Variants in SPECC1 observed in about 807,000 individuals in gnomAD.
The protein encoded by SPECC1 is sperm antigen with calponin homology and coiled-coil domains 1, also known as cytospin-B.
In SPECC1, 62 loss-of-function variants were observed where a neutral mutation model predicts 104.1. The ratio of observed to expected loss-of-function variants is 0.60; its 90% CI spans 0.49 to 0.74. The LOEUF (loss-of-function observed/expected upper bound fraction) is 0.74. Among genes scored for constraint, SPECC1 ranks in the 30% least tolerant of loss-of-function variants. The pLI, the probability that SPECC1 is intolerant of heterozygous loss-of-function variation, is 0.00. For synonymous variants in SPECC1, 513 were observed against 501.6 expected, an observed-to-expected ratio of 1.02 and a Z score of -0.30; for missense variants, 1,306 against 1,310.5, an observed-to-expected ratio of 1.00 and a Z score of 0.05.
At chr17:20,297,597 T>C (rs1053235449) in intron 13 of SPECC1, among the ~76,000 whole-genome samples, 3 of 152,146 alleles carry the variant, frequency 2.0e-5, no homozygotes, top group Non-Finnish European at 4.4e-5. Flanking sequence ...ACTCAGTGGG[T>C]CAGGTGGTCC....
intron 2 of SPECC1, among the ~76,000 whole-genome samples, chr17:20,097,744 T>C (rs976933407): frequency 1.2e-4 from 19 of 152,188 alleles, no homozygotes; most frequent in African/African-American, 4.6e-4. Flanking sequence ...CACATTGTTT[T>C]TATGAGTCAA....
intron 3 of SPECC1, chr17:20,156,099 G>A (rs1299042068): frequency 3.7e-6 from 5 of 1,354,684 alleles, no homozygotes; most frequent in East Asian, 6.2e-5. Context: ...CGGACCCGCC[G>A]GACGCAACCG....
chr17:20,183,969 G>A (rs1257337414), intron 3 of SPECC1, among the ~76,000 whole-genome samples: 1 of 151,080 alleles, frequency 6.6e-6, no homozygotes, highest in Non-Finnish European at 1.5e-5. Flanking sequence ...TCAGGAGTTC[G>A]AGACCAGCCT....
intron 2 of SPECC1, among the ~76,000 whole-genome samples, chr17:20,109,371 T>G (rs2048373631): frequency 6.6e-6 from 1 of 152,228 alleles, no homozygotes; most frequent in Non-Finnish European, 1.5e-5. Context: ...TTCTCCAGTC[T>G]TCCGGCACTG....
intron 1 of SPECC1, among the ~76,000 whole-genome samples, chr17:20,050,222 A>G (rs1490320063): frequency 6.6e-6 from 1 of 152,220 alleles, no homozygotes; most frequent in Non-Finnish European, 1.5e-5. Context: ...TTAAAACTAT[A>G]ATTAAAATAA....
chr17:20,112,138 A>G (rs2048525754), intron 3 of SPECC1: 1 of 763,492 alleles, frequency 1.3e-6, no homozygotes. Context: ...CACACAGAGC[A>G]CTTTAGTGAA....
chr17:20,233,359 T>C (rs1199286511), intron 7 of SPECC1, among the ~76,000 whole-genome samples: 2 of 152,182 alleles, frequency 1.3e-5, no homozygotes, highest in African/African-American at 2.4e-5. Flanking sequence ...TTTCATGACA[T>C]TGGAAAGAGG....
chr17:20,260,045 G>GT, intron 11 of SPECC1, 147 bp from the exon 12 acceptor site: 1 of 513,430 alleles, frequency 1.9e-6, no homozygotes, highest in South Asian at 3.3e-5. Context: ...TCACAAAATA[G>GT]TAATGTGACT....
At chr17:20,247,133 A>G (rs1198079459) in intron 8 of SPECC1, 86 bp from the exon 9 acceptor site, 1 of 1,074,758 alleles carries the variant, frequency 9.3e-7, no homozygotes, top group African/African-American at 1.6e-5. Flanking sequence ...TTAAGCCACC[A>G]AAAAAAGTAA....
intron 4 of SPECC1, among the ~76,000 whole-genome samples, chr17:20,226,848 G>GC (rs2038240839): frequency 6.6e-6 from 1 of 152,174 alleles, no homozygotes; most frequent in Non-Finnish European, 1.5e-5. Flanking sequence ...AAGCATTGCA[G>GC]CCCCAAGTAT....
At chr17:20,217,266 TGTG>T (rs1567951842) in intron 4 of SPECC1, among the ~76,000 whole-genome samples, 1 of 146,266 alleles carries the variant, frequency 6.8e-6, no homozygotes, top group African/African-American at 2.6e-5. Flanking sequence ...TTTTTTATTG[TGTG>T]TGTGTGTGTG....
At chr17:20,267,101 A>G (rs2040242309) in intron 12 of SPECC1, among the ~76,000 whole-genome samples, 1 of 152,150 alleles carries the variant, frequency 6.6e-6, no homozygotes, top group African/African-American at 2.4e-5. Flanking sequence ...CCTCACTACG[A>G]AGTGAGGCCC....
chr17:20,058,682 T>A (rs1046478831), intron 1 of SPECC1, among the ~76,000 whole-genome samples: 1 of 152,030 alleles, frequency 6.6e-6, no homozygotes, highest in Non-Finnish European at 1.5e-5. Context: ...ATTCATTTTT[T>A]AGCATTGAAT....
chr17:20,051,324 T>A (rs2045768988), intron 1 of SPECC1, among the ~76,000 whole-genome samples: 1 of 151,830 alleles, frequency 6.6e-6, no homozygotes, highest in African/African-American at 2.4e-5. Flanking sequence ...TACAGGGACC[T>A]GCCACCATGC....
intron 1 of SPECC1, among the ~76,000 whole-genome samples, chr17:20,042,997 C>G (rs1192341901): frequency 6.6e-6 from 1 of 152,224 alleles, no homozygotes; most frequent in Admixed American, 6.5e-5. Flanking sequence ...CTCAAGTCCA[C>G]AACTTGCTTT....
At chr17:20,072,942 A>G (rs2046614758) in intron 1 of SPECC1, among the ~76,000 whole-genome samples, 1 of 152,162 alleles carries the variant, frequency 6.6e-6, no homozygotes, top group Non-Finnish European at 1.5e-5. Context: ...TCCCTGTTGC[A>G]GTAGATCCCA....
chr17:20,134,239 TAACC>T (rs893914561), intron 3 of SPECC1, among the ~76,000 whole-genome samples: 2 of 151,910 alleles, frequency 1.3e-5, no homozygotes, highest in African/African-American at 4.8e-5. Context: ...TCTCTGCTTG[TAACC>T]ATCATCTCTG....
intron 12 of SPECC1, chr17:20,290,360 TAAAG>T: frequency 6.6e-6 from 1 of 150,580 alleles, no homozygotes; most frequent in Non-Finnish European, 1.5e-5. Flanking sequence ...TTTTTTTTTT[TAAAG>T]AGAGTCTCAC....
chr17:20,276,343 C>T (rs2040576192), intron 12 of SPECC1, among the ~76,000 whole-genome samples: 1 of 152,190 alleles, frequency 6.6e-6, no homozygotes, highest in Non-Finnish European at 1.5e-5. Flanking sequence ...TGATTTTGAA[C>T]TCCTGGGCTG....
Sources: allele counts gnomAD v4.1 joint callset (sites outside exome capture counted in the v4.1 genomes callset), GRCh38; gene constraint gnomAD v4.1.1; transcripts MANE v1.5; gene names NCBI Gene and HGNC (gene_info 2026-07-23, HGNC 2026-07-21).